The following ITIH3 variants were observed in gnomAD, a reference collection of about 807,000 sequenced individuals.
ITIH3 encodes the protein inter-alpha-trypsin inhibitor heavy chain 3, also known as inter-alpha-trypsin inhibitor heavy chain H3.
ITIH3 carries 81 observed loss-of-function variants against 96.5 expected under a neutral mutation model. That is an observed-to-expected ratio of 0.84 (90% confidence interval 0.70 to 1.01). The LOEUF is 1.01. Among genes scored for constraint, ITIH3 ranks in the 50% least tolerant of loss-of-function variants. ITIH3 has a pLI of 0.00. For synonymous variants in ITIH3, 422 were observed against 445.2 expected (o/e 0.95, Z 0.66); for missense variants, 1,057 against 1,139.3 (o/e 0.93, Z 1.04).
chr3:52,804,014 G>A lies in ITIH3; in HGVS notation c.1864+5G>A, dbSNP rs1288535998. 1.9e-6 allele frequency: 3 copies of A among 1,611,458 alleles called. No homozygotes were observed. The highest frequency in any genetic ancestry group is 1.1e-5 in the South Asian group (1 of 90,436). On this transcript the variant is annotated splice_donor_5th_base_variant and intron_variant, in intron 14 of 21. Transcript: ENST00000449956. ...TTGCCGACAAGCCTGGGGAAGGTGG[G>A]GATAGGGATGGAGGCCGGAACCCGG...
chr3:52,797,008 G>A, intron 4 of ITIH3, 97 bp from the exon 5 acceptor site: 1 of 1,423,102 alleles, frequency 7.0e-7, no homozygotes. Flanking sequence ...AATGGTTAGG[G>A]ATCTCCCTCG....
chr3:52,806,801 C>A, intron 18 of ITIH3, 100 bp from the exon 19 acceptor site: 1 of 928,944 alleles, frequency 1.1e-6, no homozygotes, highest in Non-Finnish European at 1.7e-6. Context: ...CGCTCTGCTG[C>A]CCCTCAGCCA....
At chr3:52,795,650 C>A in intron 2 of ITIH3, 27 bp downstream of exon 2, 1 of 1,608,878 alleles carries the variant, frequency 6.2e-7, no homozygotes, top group Non-Finnish European at 8.5e-7. Flanking sequence ...GGGGGTGGGA[C>A]CGAGTGGGGC....
rs765303379 is a variant in ITIH3, at chr3:52,797,168, C to T, written c.450C>T (p.Val150=). The change falls in exon 5 of 22, where the codon GTC becomes GTT. Residue 150 remains valine, a synonymous_variant. Coordinates refer to ENST00000449956, the MANE Select transcript of ITIH3 (RefSeq NM_002217.4). The stretch of plus-strand genomic sequence containing the variant: ...TCAACGTGGCTGCAGGCAGCAAAGT[C>T]ACCTTCGAGCTAACCTACGAGGAGC... ...VSVNVAAGSK[V]TFELTYEELL... is the part of the protein sequence containing the mutation. 23 of 1,609,154 alleles carry T rather than the reference C, an allele frequency of 1.4e-5. No individual in the cohort carries two copies. The highest frequency in any genetic ancestry group is 1.7e-5 in the Admixed American group (1 of 59,416).
intron 11 of ITIH3, among the ~76,000 whole-genome samples, 188 bp downstream of exon 11, chr3:52,801,334 T>C (rs1467435664): frequency 6.6e-6 from 1 of 152,242 alleles, no homozygotes; most frequent in Non-Finnish European, 1.5e-5. Context: ...GCCCGTTTCT[T>C]CAACAGGATT....
In ITIH3 at chr3:52,802,773, C is replaced by A. The variant is rs1351604939; in HGVS notation, c.1676C>A (p.Ala559Asp). The change falls in exon 13 of 22, where the codon GCC becomes GAC. Residue 559 changes from alanine (A) to aspartate (D), a missense_variant. By Grantham distance (126) the Ala-to-Asp change is moderately radical. Transcript: ENST00000449956. ...GGGAATTACATTGAGCGGCTCTGGG[C>A]CTACCTCACCATTGAGCAGCTGCTG... is the stretch of plus-strand genomic sequence containing the variant. ...IFGNYIERLW[A>D]YLTIEQLLEK... The A allele has an allele frequency of 1.2e-6, 2 of 1,613,974 alleles. No individual in the cohort carries two copies. The highest frequency in any genetic ancestry group is 2.2e-5 in the South Asian group (2 of 91,078).
chr3:52,806,655 G>A (rs1700062385), intron 18 of ITIH3, among the ~76,000 whole-genome samples: 1 of 152,178 alleles, frequency 6.6e-6, no homozygotes, highest in Non-Finnish European at 1.5e-5. Context: ...CTGTGTCTGG[G>A]GAATAGCTTT....
At chr3:52,795,669 A>C (rs768357028) in intron 2 of ITIH3, 46 bp downstream of exon 2, 88 of 1,591,338 alleles carry the variant, frequency 5.5e-5, no homozygotes, top group Non-Finnish European at 1.6e-5. Context: ...GCAGGGCAGG[A>C]TGGAGCTGGT....
intron 10 of ITIH3, 143 bp from the exon 11 acceptor site, chr3:52,800,822 G>T (rs971931825): frequency 2.1e-6 from 3 of 1,453,122 alleles, no homozygotes; most frequent in South Asian, 1.3e-5. Flanking sequence ...CTCTGCCAGG[G>T]CTCTCCACCA....
At position 52,800,684 on chromosome 3, in the gene ITIH3, TTTGAGC is replaced by T. The variant is rs1280932604; in HGVS notation, c.1201+23_1201+28del. The T allele has an allele frequency of 1.9e-6, 3 of 1,597,056 alleles. No individual in the cohort carries two copies. The East Asian group carries it at 6.8e-5, about 36-fold the overall frequency. On this transcript the variant is annotated intron_variant, in intron 10 of 21. Transcript: ENST00000449956. ...TGTTGGTGAGGAGCACGGGCATGGT[TTTGAGC>T]TAGGGCTGGAGTGCTTGGCTGCTGC...
rs1005654623 is a variant in ITIH3, at chr3:52,794,800, A to G, written c.-4A>G. ...GAGCGTGGGCCAGGCCTGAGTATTC[A>G]GCGATGGCATTTGCATGGTGGCCCT... is the stretch of plus-strand genomic sequence containing the variant. On this transcript the variant is annotated 5_prime_UTR_variant, in exon 1 of 22. Transcript: ENST00000449956. The G allele has an allele frequency of 5.6e-6, 9 of 1,613,270 alleles. No homozygotes were observed. The highest frequency in any genetic ancestry group is 6.8e-6 in the Non-Finnish European group (8 of 1,179,252).
At chr3:52,804,469 C>T (rs1197342963) in intron 14 of ITIH3, 1 of 504,218 alleles carries the variant, frequency 2.0e-6, no homozygotes, top group Non-Finnish European at 3.6e-6. Context: ...CCCACTGCAA[C>T]TAGGTACAGG....
rs1699940911 is a variant in ITIH3, at chr3:52,803,844, C to A, written c.1710-11C>A. 1 of 1,613,650 alleles carries A rather than the reference C, an allele frequency of 6.2e-7. No individual in the cohort carries two copies. The highest frequency in any genetic ancestry group is 8.5e-7 in the Non-Finnish European group (1 of 1,179,820). On this transcript the variant is annotated splice_polypyrimidine_tract_variant and intron_variant, in intron 13 of 21. Transcript: ENST00000449956. ...CTCCAGGCTGTCCTCCTGACTGGCCCCTCCTCACAGCAAGAACGCCCATGG... is the reference window on the plus strand; with the variant it reads ...CTCCAGGCTGTCCTCCTGACTGGCCACTCCTCACAGCAAGAACGCCCATGG...
chr3:52,804,145 C>T (rs536645672), intron 14 of ITIH3, 136 bp downstream of exon 14: 16 of 898,128 alleles, frequency 1.8e-5, no homozygotes, highest in South Asian at 5.1e-5. Flanking sequence ...AAACTGGCCA[C>T]GGGATGGGGA....
chr3:52,801,470 A>G (rs2710336), intron 11 of ITIH3, among the ~76,000 whole-genome samples: 6,684 of 152,272 alleles, frequency 0.044, 489 homozygotes, highest in African/African-American at 0.15. Flanking sequence ...GCCATACCAA[A>G]GTACCAAGTG....
intron 21 of ITIH3, 42 bp downstream of exon 21, chr3:52,808,263 G>C (rs1272109082): frequency 6.7e-7 from 1 of 1,492,520 alleles, no homozygotes; most frequent in South Asian, 1.1e-5. Context: ...TCAGCAACGA[G>C]AGGAGGAAAG....
chr3:52,805,577 A>T, intron 15 of ITIH3: 1 of 1,348,340 alleles, frequency 7.4e-7, no homozygotes, highest in Non-Finnish European at 9.5e-7. Context: ...CAGCCACATC[A>T]AAAAGCCCTG....
chr3:52,800,913 T>C, intron 10 of ITIH3, 52 bp from the exon 11 acceptor site: 2 of 1,609,506 alleles, frequency 1.2e-6, no homozygotes, highest in Non-Finnish European at 1.7e-6. Context: ...AGAGCTGGTC[T>C]AGACCATCCC....
chr3:52,800,989 A>G lies in ITIH3; in HGVS notation c.1226A>G (p.Gln409Arg). 1.2e-6 allele frequency: 2 copies of G among 1,614,058 alleles called. No homozygotes were observed. The highest frequency in any genetic ancestry group is 1.7e-5 in the Admixed American group (1 of 60,036). The change falls in exon 11 of 22, where the codon CAA becomes CGA. Residue 409 changes from glutamine to arginine, a missense_variant. Coordinates refer to ENST00000449956, the MANE Select transcript of ITIH3 (RefSeq NM_002217.4). ...GGTGAGAGCAGACCCGAAAAAATCC[A>G]AGAGAATGTGCGGAATGCCATCGGG... ...NVGESRPEKI[Q>R]ENVRNAIGGK...
Sources: gnomAD v4.1 joint callset for allele counts (sites outside exome capture counted in the v4.1 genomes callset) on GRCh38, gnomAD v4.1.1 for gene constraint, MANE v1.5 for transcripts, NCBI Gene and HGNC (gene_info 2026-07-23, HGNC 2026-07-21) for gene names.